The following CAND2 variants were observed in gnomAD, a reference collection of about 807,000 sequenced individuals.
CAND2 encodes cullin-associated NEDD8-dissociated protein 2.
Under a neutral mutation model 98.9 loss-of-function variants are expected in CAND2, and 62 were observed. The ratio of observed to expected loss-of-function variants is 0.63; its 90% CI spans 0.51 to 0.77. The LOEUF (loss-of-function observed/expected upper bound fraction) is 0.77. Among genes scored for constraint, CAND2 ranks in the 30% least tolerant of loss-of-function variants. CAND2 has a pLI of 0.00. For missense variants in CAND2, 1,501 were observed against 1,655.2 expected, an observed-to-expected ratio of 0.91 and a Z score of 1.62; for synonymous variants, 770 against 731.9, an observed-to-expected ratio of 1.05 and a Z score of -0.84.
chr3:12,797,580 G>A (rs958764403), intron 1 of CAND2, among the ~76,000 whole-genome samples: 14 of 152,116 alleles, frequency 9.2e-5, no homozygotes, highest in Non-Finnish European at 1.6e-4. Context: ...CTGGTCCAAT[G>A]AGTTTCCACC....
chr3:12,823,738 A>C (rs927706973), intron 11 of CAND2, among the ~76,000 whole-genome samples: 2 of 148,192 alleles, frequency 1.3e-5, no homozygotes, highest in East Asian at 2.0e-4. Flanking sequence ...TCAAAAAAAA[A>C]AACAACAAAA....
rs770138212 is a variant in CAND2, at chr3:12,804,585, AAAGAC to A, written c.212+963_212+967del. On this transcript the variant is annotated intron_variant, in intron 2 of 14. Coordinates refer to ENST00000456430, the MANE Select transcript of CAND2 (RefSeq NM_001162499.2). ...CGTTGGCCAGTTATCTCGAGTAGAAAAAGACAAGACAAGGGTATGTGCAGAGCACG... is the reference window on the plus strand; with the variant it reads ...CGTTGGCCAGTTATCTCGAGTAGAAAAAGACAAGGGTATGTGCAGAGCACG... Among the ~76,000 whole-genome samples, 32 of 152,360 alleles carry A rather than the reference AAAGAC, an allele frequency of 2.1e-4. No homozygotes were observed. The East Asian group carries it at 4.1e-3, about 19-fold the overall frequency.
At position 12,810,318 on chromosome 3, in the gene CAND2, C is replaced by A; in HGVS notation, c.751C>A (p.Arg251Ser). The A allele has an allele frequency of 6.9e-7, 1 of 1,456,474 alleles. No homozygotes were observed. The highest frequency in any genetic ancestry group is 2.7e-5 in the East Asian group (1 of 36,672). 90.2% of individuals were successfully genotyped at this position (1,456,474 alleles called of 1,614,324 possible). A position where few individuals can be genotyped will look rare whatever the true frequency, so the allele number is the denominator to read the frequency against. The change falls in exon 5 of 15, where the codon CGC (arginine) becomes AGC (serine). Residue 251 changes from arginine (R) to serine (S), a missense_variant. Arg to Ser is a moderately radical substitution (Grantham distance 110). Coordinates refer to ENST00000456430, the MANE Select transcript of CAND2 (RefSeq NM_001162499.2). ...LGSVGRQAGHRLGAHLDRLVP... is the reference protein window; with the variant it reads ...LGSVGRQAGHSLGAHLDRLVP... ...CAGCGTCGGCCGCCAGGCCGGCCAC[C>A]GCCTCGGTAAGGGGGCAGGGGGCGG...
At chr3:12,825,715 TATCTC>T (rs2061994175) in intron 12 of CAND2, 76 bp downstream of exon 12, 1 of 1,452,480 alleles carries the variant, frequency 6.9e-7, no homozygotes, top group African/African-American at 1.4e-5. Flanking sequence ...AGGGCATTAT[TATCTC>T]ATCAGAGCAG....
At chr3:12,810,722 C>A (rs2061845677) in intron 5 of CAND2, among the ~76,000 whole-genome samples, 3 of 152,234 alleles carry the variant, frequency 2.0e-5, no homozygotes, top group African/African-American at 7.2e-5. Flanking sequence ...GTTCTCTTCT[C>A]CCAGTTTGAC....
chr3:12,806,420 G>T (rs1212290159), intron 2 of CAND2, among the ~76,000 whole-genome samples: 1 of 152,200 alleles, frequency 6.6e-6, no homozygotes, highest in African/African-American at 2.4e-5. Flanking sequence ...AGCAGGAAGG[G>T]AGCTGGGGCA....
intron 12 of CAND2, 95 bp downstream of exon 12, chr3:12,825,734 C>T: frequency 2.2e-6 from 3 of 1,340,098 alleles, no homozygotes; most frequent in South Asian, 1.4e-5. Flanking sequence ...AGAGCAGGTG[C>T]CGGGGCCACA....
chr3:12,803,430 C>T (rs565042239), intron 1 of CAND2, 58 bp from the exon 2 acceptor site: 31 of 1,512,400 alleles, frequency 2.0e-5, no homozygotes, highest in East Asian at 9.3e-5. Flanking sequence ...TGAGGTACTG[C>T]CCAAATCCAC....
Position 12,796,700 on chromosome 3 carries a change from G to C in CAND2, c.-21G>C, listed in dbSNP as rs759945509. On this transcript the variant is annotated 5_prime_UTR_variant, in exon 1 of 15. Transcript: ENST00000456430. ...CCGCCATATTCCCTCCCGCCGGCCGGCTCCGCGGCGCGCAGCCACCATGAG... is the reference window on the plus strand; with the variant it reads ...CCGCCATATTCCCTCCCGCCGGCCGCCTCCGCGGCGCGCAGCCACCATGAG... 1.3e-6 allele frequency: 2 copies of C among 1,564,860 alleles called. No individual in the cohort carries two copies. Among genetic ancestry groups the C allele is most frequent in the Non-Finnish European group, 1.7e-6 (2 of 1,155,534 alleles).
rs963516619 is a variant in CAND2, at chr3:12,834,168, G to A, written c.*186G>A. 12 of 598,778 alleles carry A rather than the reference G, an allele frequency of 2.0e-5. No homozygotes were observed. In the Middle Eastern group the frequency reaches 2.7e-3, roughly 133 times the overall value. 37.1% of individuals were successfully genotyped at this position (598,778 alleles called of 1,614,324 possible). ...CCCAACTCAAAGGCCCCCAGCCCAA[G>A]CTGTGAGGCTGCCAACAGTTGGGCC... On this transcript the variant is annotated 3_prime_UTR_variant, in exon 15 of 15. Transcript: ENST00000456430.
At chr3:12,808,145 T>C in intron 3 of CAND2, 65 bp from the exon 4 acceptor site, 2 of 1,538,156 alleles carry the variant, frequency 1.3e-6, no homozygotes, top group East Asian at 4.9e-5. Flanking sequence ...AGAGGCAGAC[T>C]AGTGGTGGAG....
intron 1 of CAND2, among the ~76,000 whole-genome samples, chr3:12,797,341 C>G (rs1310302818): frequency 1.3e-5 from 2 of 151,922 alleles, no homozygotes; most frequent in Non-Finnish European, 2.9e-5. Context: ...CTCAACATCA[C>G]CCGGACCCCT....
intron 2 of CAND2, among the ~76,000 whole-genome samples, chr3:12,805,201 A>C (rs2061797251): frequency 6.6e-6 from 1 of 152,168 alleles, no homozygotes; most frequent in Admixed American, 6.5e-5. Context: ...ACTCATCATG[A>C]GTACAGATAC....
rs200861290 is a variant in CAND2 at position 12,817,804 on chromosome 3, G to A, written c.2872G>A (p.Glu958Lys). The change falls in exon 10 of 15, where the codon GAG (glutamate) becomes AAG (lysine). Residue 958 changes from glutamate to lysine, a missense_variant. Physicochemically the swap from Glu to Lys is moderately conservative, Grantham distance 56. Around this residue, in one of 3 missense-constraint regions of CAND2, gnomAD observed 1,427 missense variants for 1,545.3 expected, o/e 0.92. Transcript: ENST00000456430. Reference sequence around the variant, plus strand: ...GGAGGGCACCCGGGGGGTGGTGGCCGAGTGCATTGGGAAGCTGGTCCTTGT... The same window carrying A: ...GGAGGGCACCCGGGGGGTGGTGGCCAAGTGCATTGGGAAGCTGGTCCTTGT... ...AEEGTRGVVA[E>K]CIGKLVLVNP... 101 of 1,526,772 alleles carry A rather than the reference G, an allele frequency of 6.6e-5. No homozygotes were observed. Among genetic ancestry groups the A allele is most frequent in the Middle Eastern group, 1.8e-4 (1 of 5,652 alleles). 94.6% of individuals were successfully genotyped at this position (1,526,772 alleles called of 1,614,324 possible).
intron 7 of CAND2, among the ~76,000 whole-genome samples, chr3:12,813,707 G>A (rs183544210): frequency 6.6e-6 from 1 of 152,328 alleles, no homozygotes; most frequent in Admixed American, 6.5e-5. Context: ...GGCATAGCTG[G>A]GCCTTAGAGC....
chr3:12,830,480 A>C (rs977696510), intron 13 of CAND2, among the ~76,000 whole-genome samples: 2 of 152,156 alleles, frequency 1.3e-5, no homozygotes, highest in Admixed American at 6.5e-5. Context: ...CCAAAGCTCC[A>C]CCTTGTGGGG....
chr3:12,833,864 C>T lies in CAND2; in HGVS notation c.3593C>T (p.Pro1198Leu), dbSNP rs1462889760. 6.2e-7 allele frequency: 1 copy of T among 1,614,202 alleles called. No individual in the cohort carries two copies. Among genetic ancestry groups the T allele is most frequent in the Admixed American group, 1.7e-5 (1 of 60,026 alleles). The change falls in exon 15 of 15, where the codon CCC becomes CTC. Residue 1198 changes from proline to leucine, a missense_variant. Physicochemically the swap from Pro to Leu is moderately conservative, Grantham distance 98. This residue lies in a region of CAND2 where 1,427 missense variants were observed against 1,545.3 expected (regional missense o/e 0.92). Transcript: ENST00000456430. ...ACCATCCCCGAGGTGGGGAAAAGCC[C>T]CATCATGGCCGACTTCTCTTCCCAA... ...LLTIPEVGKS[P>L]IMADFSSQIR...
At chr3:12,806,869 G>T (rs1256139532) in intron 2 of CAND2, among the ~76,000 whole-genome samples, 1 of 152,202 alleles carries the variant, frequency 6.6e-6, no homozygotes, top group African/African-American at 2.4e-5. Context: ...TAAGGCAGAG[G>T]TTCTCCAAGT....
intron 13 of CAND2, among the ~76,000 whole-genome samples, chr3:12,827,836 G>T (rs1445045565): frequency 6.6e-6 from 1 of 152,080 alleles, no homozygotes. Flanking sequence ...AAAAAAAATT[G>T]TCCAGGTGTG....
Sources: allele counts gnomAD v4.1 joint callset (sites outside exome capture counted in the v4.1 genomes callset), GRCh38; gene constraint gnomAD v4.1.1; regional missense constraint gnomAD v4.1.1; transcripts MANE v1.5; gene names NCBI Gene and HGNC (gene_info 2026-07-23, HGNC 2026-07-21).